CACNA2D1: variants seen among roughly 807,000 people sequenced by gnomAD.
CACNA2D1 encodes voltage-dependent calcium channel subunit alpha-2/delta-1.
In CACNA2D1, 53 loss-of-function variants were observed where a neutral mutation model predicts 171.5. That is an observed-to-expected ratio of 0.31 (90% CI 0.25 to 0.39). The LOEUF is 0.39. CACNA2D1 is among the 10% of genes least tolerant of loss of function. The probability of loss-of-function intolerance (pLI) is 1.00; values close to 1 mark genes in which losing one functional copy is unlikely to be tolerated. For synonymous variants in CACNA2D1, 442 were observed against 443.1 expected, an observed-to-expected ratio of 1.00 and a Z score of 0.03; for missense variants, 903 against 1,299.8, an observed-to-expected ratio of 0.69 and a Z score of 4.69.
At chr7:82,421,756 G>A (rs749454315) in intron 1 of CACNA2D1, among the ~76,000 whole-genome samples, 2 of 152,080 alleles carry the variant, frequency 1.3e-5, no homozygotes, top group South Asian at 4.2e-4. Context: ...CCACAGATGC[G>A]CCTTAATTCA....
At chr7:82,230,389 A>G (rs1394112970) in intron 3 of CACNA2D1, among the ~76,000 whole-genome samples, 2 of 152,194 alleles carry the variant, frequency 1.3e-5, no homozygotes, top group Non-Finnish European at 2.9e-5. Context: ...ATGCTTCACA[A>G]TTTATATTGG....
chr7:82,159,383 T>C (rs1422421917), intron 4 of CACNA2D1, among the ~76,000 whole-genome samples: 3 of 151,888 alleles, frequency 2.0e-5, no homozygotes, highest in Non-Finnish European at 4.4e-5. Flanking sequence ...TTTGAGACTA[T>C]TCATCAAGTT....
intron 14 of CACNA2D1, 147 bp from the exon 15 acceptor site, chr7:82,012,390 T>C: frequency 1.6e-6 from 1 of 641,020 alleles, no homozygotes; most frequent in South Asian, 1.8e-5. Flanking sequence ...TTAATTTCTA[T>C]TTTGGGTACT....
At chr7:81,991,948 C>T (rs556742487) in intron 20 of CACNA2D1, among the ~76,000 whole-genome samples, 3 of 151,596 alleles carry the variant, frequency 2.0e-5, no homozygotes, top group South Asian at 4.2e-4. Context: ...TATTCTCCTG[C>T]TTCAGCCTTC....
chr7:82,281,724 G>A (rs1337948380), intron 3 of CACNA2D1, among the ~76,000 whole-genome samples: 1 of 152,084 alleles, frequency 6.6e-6, no homozygotes, highest in Non-Finnish European at 1.5e-5. Context: ...AATGTTAAAT[G>A]TAAGAATGAA....
At chr7:82,407,075 C>T (rs531953245) in intron 1 of CACNA2D1, among the ~76,000 whole-genome samples, 1 of 152,250 alleles carries the variant, frequency 6.6e-6, no homozygotes, top group Admixed American at 6.5e-5. Flanking sequence ...AGTTTTCTGT[C>T]CCACCAAAGA....
chr7:81,974,621 A>T (rs1795637284), intron 24 of CACNA2D1, 69 bp from the exon 25 acceptor site: 1 of 780,160 alleles, frequency 1.3e-6, no homozygotes, highest in East Asian at 2.8e-5. Context: ...AAAGGTAGTG[A>T]AAACACTATT....
intron 12 of CACNA2D1, among the ~76,000 whole-genome samples, chr7:82,017,843 AT>A (rs1364613194): frequency 6.6e-6 from 1 of 152,138 alleles, no homozygotes. Context: ...CAAGCTAAAT[AT>A]TTCATCTTAA....
chr7:82,035,030 G>A (rs867294649), intron 11 of CACNA2D1, among the ~76,000 whole-genome samples: 32 of 151,832 alleles, frequency 2.1e-4, no homozygotes, highest in Non-Finnish European at 3.4e-4. Flanking sequence ...ATCACACAGC[G>A]ACAACAATTA....
At chr7:81,964,604 T>A (rs1197554488) in intron 32 of CACNA2D1, among the ~76,000 whole-genome samples, 2 of 151,914 alleles carry the variant, frequency 1.3e-5, no homozygotes, top group East Asian at 3.9e-4. Flanking sequence ...GGACACACAT[T>A]ACTAAGCATT....
At chr7:82,089,019 G>T (rs961419525) in intron 6 of CACNA2D1, among the ~76,000 whole-genome samples, 3 of 152,166 alleles carry the variant, frequency 2.0e-5, no homozygotes, top group Non-Finnish European at 4.4e-5. Flanking sequence ...CAGAGCTCAG[G>T]AAGTAATGCT....
intron 3 of CACNA2D1, among the ~76,000 whole-genome samples, chr7:82,205,785 GT>G (rs565597812): frequency 1.2e-3 from 178 of 152,252 alleles, no homozygotes; most frequent in East Asian, 9.1e-3. Context: ...ACCATTTGAA[GT>G]ATTAAAAAGG....
chr7:82,174,936 A>G (rs569287856), intron 3 of CACNA2D1, among the ~76,000 whole-genome samples: 1 of 152,178 alleles, frequency 6.6e-6, no homozygotes, highest in South Asian at 2.1e-4. Context: ...ACTTTTTGTC[A>G]TATCTTCATC....
intron 10 of CACNA2D1, among the ~76,000 whole-genome samples, chr7:82,050,054 T>C (rs1805014485): frequency 6.6e-6 from 1 of 152,182 alleles, no homozygotes; most frequent in Non-Finnish European, 1.5e-5. Context: ...AAGTTCCTTA[T>C]CTAAAAAAGC....
chr7:82,038,660 A>C (rs1337193849), intron 10 of CACNA2D1, among the ~76,000 whole-genome samples: 1 of 152,228 alleles, frequency 6.6e-6, no homozygotes, highest in Non-Finnish European at 1.5e-5. Flanking sequence ...TGGTTGGAAA[A>C]GTAATACACT....
At chr7:82,186,529 G>C (rs1421607216) in intron 3 of CACNA2D1, among the ~76,000 whole-genome samples, 2 of 152,090 alleles carry the variant, frequency 1.3e-5, no homozygotes, top group East Asian at 3.9e-4. Flanking sequence ...CATTATGGGG[G>C]CATAGACCAT....
chr7:81,971,800 A>C lies in CACNA2D1; in HGVS notation c.2118T>G (p.Asn706Lys). 6.2e-7 allele frequency: 1 copy of C among 1,601,718 alleles called. No individual in the cohort carries two copies. Among genetic ancestry groups the C allele is most frequent in the East Asian group, 2.2e-5 (1 of 44,642 alleles). The change falls in exon 26 of 39, where the codon AAT becomes AAG. Residue 706 changes from asparagine (N) to lysine (K), a missense_variant. By Grantham distance (94) the Asn-to-Lys change is moderately conservative (BLOSUM62 0). Around this residue, in one of 5 missense-constraint regions of CACNA2D1, gnomAD observed 623 missense variants for 925.5 expected, o/e 0.67. Coordinates refer to ENST00000356860, the MANE Select transcript of CACNA2D1 (RefSeq NM_000722.4). ...ACATATTTTTCTGCTTACTCCAGTA[A>C]TTTTGGACAAGTTCATTTGTAAAGC... ...DAGFTNELVQNYWSKQKNIKG... is the reference protein window; with the variant it reads ...DAGFTNELVQKYWSKQKNIKG...
intron 3 of CACNA2D1, among the ~76,000 whole-genome samples, chr7:82,309,729 A>C (rs1814192098): frequency 6.6e-6 from 1 of 152,272 alleles, no homozygotes; most frequent in South Asian, 2.1e-4. Context: ...ATGTGTGTCC[A>C]TGGCACGTGG....
chr7:82,402,199 C>A (rs1424464439), intron 1 of CACNA2D1, among the ~76,000 whole-genome samples: 1 of 152,128 alleles, frequency 6.6e-6, no homozygotes, highest in Non-Finnish European at 1.5e-5. Flanking sequence ...GGCAAAGGAA[C>A]AGCATATGCA....
Sources: allele counts gnomAD v4.1 joint callset (sites outside exome capture counted in the v4.1 genomes callset), GRCh38; gene constraint gnomAD v4.1.1; regional missense constraint gnomAD v4.1.1; transcripts MANE v1.5; gene names NCBI Gene and HGNC (gene_info 2026-07-23, HGNC 2026-07-21).